The following MAGI1 variants were observed in gnomAD, a reference collection of about 807,000 sequenced individuals.
MAGI1 encodes the protein membrane associated guanylate kinase, WW and PDZ domain containing 1.
In MAGI1, 58 loss-of-function variants were observed where a neutral mutation model predicts 139.9. The observed-to-expected ratio is 0.41, with a 90% CI of 0.34 to 0.52. The LOEUF (loss-of-function observed/expected upper bound fraction) is 0.52, where lower values mean the gene tolerates loss of function less well. Among genes scored for constraint, MAGI1 ranks in the 20% least tolerant of loss-of-function variants. The pLI, the probability that MAGI1 is intolerant of heterozygous loss-of-function variation, is 0.12. For missense variants in MAGI1, 1,874 were observed against 1,901.6 expected, an observed-to-expected ratio of 0.99 and a Z score of 0.27; for synonymous variants, 812 against 737.9, an observed-to-expected ratio of 1.10 and a Z score of -1.63.
intron 1 of MAGI1, among the ~76,000 whole-genome samples, chr3:65,721,680 G>A (rs372839990): frequency 2.9e-4 from 44 of 152,268 alleles, no homozygotes; most frequent in African/African-American, 9.1e-4. Flanking sequence ...AAATGTAAAA[G>A]AGAAAAACAT....
intron 1 of MAGI1, among the ~76,000 whole-genome samples, chr3:65,816,532 G>A (rs11713523): frequency 0.036 from 5,426 of 151,966 alleles, 127 homozygotes; most frequent in Middle Eastern, 0.051. Context: ...CGTAAACAAA[G>A]TGGCAAGTAC....
chr3:65,430,924 GA>G (rs1947405123), intron 10 of MAGI1, 43 bp from the exon 11 acceptor site: 5 of 1,563,988 alleles, frequency 3.2e-6, no homozygotes, highest in Non-Finnish European at 4.4e-6. Context: ...CACCACTGGT[GA>G]AAAGGAGAAT....
intron 13 of MAGI1, among the ~76,000 whole-genome samples, chr3:65,392,857 G>C (rs1296863835): frequency 6.6e-6 from 1 of 152,188 alleles, no homozygotes; most frequent in Non-Finnish European, 1.5e-5. Context: ...ATTCAATGAA[G>C]GCAAGGTAGA....
At chr3:65,454,400 AGG>A in intron 5 of MAGI1, among the ~76,000 whole-genome samples, 1 of 140,566 alleles carries the variant, frequency 7.1e-6, no homozygotes, top group South Asian at 2.5e-4. Flanking sequence ...GGGAGGGGAG[AGG>A]GATAGCATTG....
At chr3:65,872,752 CACACA>C (rs1387016916) in intron 1 of MAGI1, 3 of 152,162 alleles carry the variant, frequency 2.0e-5, no homozygotes, top group African/African-American at 4.8e-5. Flanking sequence ...ACTACTGACA[CACACA>C]ACACAAGGGT....
rs990359644 is a variant in MAGI1, at chr3:65,660,637, T to G, written c.314-38549A>C. Among the ~76,000 whole-genome samples the G allele has an allele frequency of 2.6e-5, 4 of 152,232 alleles. No homozygotes were observed. The East Asian group carries it at 7.7e-4, about 29-fold the overall frequency. ...GGAAAAATGAACCCAATATTTGTTC[T>G]TAACATATAATTACTTCAAACTATG... On this transcript the variant is annotated intron_variant, in intron 1 of 22. Transcript: ENST00000402939.
intron 1 of MAGI1, among the ~76,000 whole-genome samples, chr3:65,988,250 A>G (rs1001470771): frequency 1.3e-5 from 2 of 151,922 alleles, no homozygotes; most frequent in Non-Finnish European, 2.9e-5. Flanking sequence ...GTGACATCCT[A>G]TTTTTTTTCA....
intron 2 of MAGI1, among the ~76,000 whole-genome samples, chr3:65,589,654 T>C (rs2081868739): frequency 6.6e-6 from 1 of 152,020 alleles, no homozygotes; most frequent in Non-Finnish European, 1.5e-5. Flanking sequence ...GGAGGCTGTG[T>C]AGTCTCTGTC....
At chr3:65,363,342 A>T in intron 21 of MAGI1, 123 bp downstream of exon 21, 1 of 1,202,588 alleles carries the variant, frequency 8.3e-7, no homozygotes, top group Non-Finnish European at 1.1e-6. Flanking sequence ...TCATGCACTT[A>T]AGAGAATCAT....
At position 65,354,212 on chromosome 3, in the gene MAGI1, T is replaced by G. The variant is rs2106665153; in HGVS notation, c.*2166A>C. ...GAAAAAGAACATCATTATTCAGTTG[T>G]ACTCTTCCTCAGCCTTACTACAGCT... On this transcript the variant is annotated 3_prime_UTR_variant, in exon 23 of 23. Coordinates refer to ENST00000402939, the MANE Select transcript of MAGI1 (RefSeq NM_001033057.2). 1 of 152,690 alleles carries G rather than the reference T, an allele frequency of 6.5e-6. No homozygotes were observed. Among genetic ancestry groups the G allele is most frequent in the Middle Eastern group, 3.4e-3 (1 of 294 alleles). 9.5% of individuals were successfully genotyped at this position (152,690 alleles called of 1,614,324 possible).
At chr3:65,412,377 GCCCTTTTCTGA>G (rs1241273848) in intron 12 of MAGI1, among the ~76,000 whole-genome samples, 1 of 152,180 alleles carries the variant, frequency 6.6e-6, no homozygotes, top group Non-Finnish European at 1.5e-5. Flanking sequence ...ATCTGAAGTG[GCCCTTTTCTGA>G]CCCACTTTAT....
rs1004186655 is a variant in MAGI1, at chr3:66,037,929, A to AT, written c.313+66dup. 3 of 1,511,044 alleles carry AT rather than the reference A, an allele frequency of 2.0e-6. No homozygotes were observed. In the African/African-American group the frequency reaches 4.2e-5, roughly 21 times the overall value. 93.6% of individuals were successfully genotyped at this position (1,511,044 alleles called of 1,614,324 possible). A position where few individuals can be genotyped will look rare whatever the true frequency, so the allele number is the denominator to read the frequency against. The stretch of plus-strand genomic sequence containing the variant: ...CGAGGAGGGAAGCAGGAAATCGAGA[A>AT]TAAGGGGCAGCCCACAGACCACCCT... On this transcript the variant is annotated intron_variant, in intron 1 of 22. Coordinates refer to ENST00000402939, the MANE Select transcript of MAGI1 (RefSeq NM_001033057.2).
intron 1 of MAGI1, among the ~76,000 whole-genome samples, chr3:65,987,913 G>A (rs1011668874): frequency 4.6e-5 from 7 of 152,180 alleles, no homozygotes; most frequent in Non-Finnish European, 8.8e-5. Flanking sequence ...AGTCCATCAC[G>A]AATTACATAT....
chr3:65,522,077 C>G (rs1039838870), intron 2 of MAGI1, among the ~76,000 whole-genome samples: 1 of 152,132 alleles, frequency 6.6e-6, no homozygotes, highest in Non-Finnish European at 1.5e-5. Flanking sequence ...TTCACTCTTA[C>G]AATGGCCTTC....
At chr3:65,534,603 C>T (rs201911777) in intron 2 of MAGI1, among the ~76,000 whole-genome samples, 8 of 152,270 alleles carry the variant, frequency 5.3e-5, no homozygotes, top group South Asian at 2.1e-4. Flanking sequence ...TGCCACAGTT[C>T]GCTGAGAGCT....
intron 1 of MAGI1, among the ~76,000 whole-genome samples, chr3:65,831,432 G>C (rs897337968): frequency 6.6e-6 from 1 of 152,178 alleles, no homozygotes; most frequent in Non-Finnish European, 1.5e-5. Flanking sequence ...TTTAAGGATG[G>C]AGCATGTGAA....
At chr3:65,359,818 A>G in intron 22 of MAGI1, 1 of 985,704 alleles carries the variant, frequency 1.0e-6, no homozygotes, top group Non-Finnish European at 1.2e-6. Flanking sequence ...AGTGCAACAG[A>G]CATAGGTTTT....
At chr3:65,630,494 A>C (rs937562366) in intron 1 of MAGI1, among the ~76,000 whole-genome samples, 3 of 152,228 alleles carry the variant, frequency 2.0e-5, no homozygotes. Flanking sequence ...CTAGTGGATA[A>C]TGAAAAATGT....
chr3:66,023,747 C>T (rs2068085345), intron 1 of MAGI1, among the ~76,000 whole-genome samples: 2 of 152,192 alleles, frequency 1.3e-5, no homozygotes, highest in African/African-American at 2.4e-5. Context: ...AAACTTCATT[C>T]GTTCTTGTTG....
Sources: allele counts gnomAD v4.1 joint callset (sites outside exome capture counted in the v4.1 genomes callset), GRCh38; gene constraint gnomAD v4.1.1; transcripts MANE v1.5; gene names NCBI Gene and HGNC (gene_info 2026-07-23, HGNC 2026-07-21).